CBFA2T2: variants seen among roughly 807,000 people sequenced by gnomAD.
CBFA2T2 encodes protein CBFA2T2.
Under a neutral mutation model 62.2 loss-of-function variants are expected in CBFA2T2, and 11 were observed. The observed-to-expected ratio is 0.18, with a 90% CI of 0.11 to 0.29. CBFA2T2 has a LOEUF of 0.29. Among genes scored for constraint, CBFA2T2 ranks in the 10% least tolerant of loss-of-function variants. The pLI, the probability that CBFA2T2 is intolerant of heterozygous loss-of-function variation, is 1.00. For missense variants in CBFA2T2, 592 were observed against 774.1 expected (o/e 0.76, Z 2.79); for synonymous variants, 295 against 287.5 (o/e 1.03, Z -0.27).
chr20:33,644,567 C>T lies in CBFA2T2; in HGVS notation c.1709C>T (p.Ala570Val), dbSNP rs2016984607. Residue 570 changes from alanine (A) to valine (V), a missense_variant, in exon 11 of 11, where the codon GCC becomes GTC. By Grantham distance (64) the Ala-to-Val change is moderately conservative (BLOSUM62 0). Coordinates refer to ENST00000342704, the MANE Select transcript of CBFA2T2 (RefSeq NM_001032999.3). ...RSADCSVPSP[A>V]LDKTSATTSR... The stretch of plus-strand genomic sequence containing the variant: ...GCCGACTGCAGCGTGCCCAGCCCAG[C>T]CCTCGACAAGACCTCGGCAACCACA... 1 of 1,613,702 alleles carries T rather than the reference C, an allele frequency of 6.2e-7. No homozygotes were observed. Among genetic ancestry groups the T allele is most frequent in the Admixed American group, 1.7e-5 (1 of 60,020 alleles).
intron 1 of CBFA2T2, among the ~76,000 whole-genome samples, chr20:33,527,237 C>T (rs914454425): frequency 1.3e-5 from 2 of 152,086 alleles, no homozygotes; most frequent in Non-Finnish European, 2.9e-5. Flanking sequence ...AGTCTCACTA[C>T]ATCACCCAGG....
At chr20:33,627,904 A>G (rs1214276228) in intron 6 of CBFA2T2, among the ~76,000 whole-genome samples, 1 of 152,194 alleles carries the variant, frequency 6.6e-6, no homozygotes, top group East Asian at 1.9e-4. Flanking sequence ...TATCAAAACT[A>G]TCCCCCCACC....
intron 4 of CBFA2T2, among the ~76,000 whole-genome samples, chr20:33,621,755 T>TA (rs1196640157): frequency 6.6e-6 from 1 of 152,236 alleles, no homozygotes; most frequent in African/African-American, 2.4e-5. Context: ...ACCAGTTTTT[T>TA]AAAACCTTCT....
chr20:33,583,907 T>C (rs1568833732), intron 1 of CBFA2T2, among the ~76,000 whole-genome samples: 1 of 152,156 alleles, frequency 6.6e-6, no homozygotes, highest in East Asian at 1.9e-4. Context: ...TTGGTTTAAG[T>C]GATTTTATTT....
intron 1 of CBFA2T2, among the ~76,000 whole-genome samples, chr20:33,575,543 C>T (rs1398583242): frequency 6.6e-6 from 1 of 152,108 alleles, no homozygotes; most frequent in African/African-American, 2.4e-5. Context: ...ATATAGAAAC[C>T]TTTCTGTACT....
At chr20:33,559,463 C>T (rs1481312125) in intron 1 of CBFA2T2, among the ~76,000 whole-genome samples, 1 of 151,764 alleles carries the variant, frequency 6.6e-6, no homozygotes, top group Non-Finnish European at 1.5e-5. Flanking sequence ...TGTGATCCAC[C>T]ACTCCTGGCC....
rs1485258594 is a variant in CBFA2T2, at chr20:33,545,011, AGAAC to A, written c.34+54711_34+54714del. Among the ~76,000 whole-genome samples the A allele has an allele frequency of 3.0e-3, 374 of 124,412 alleles. 3 individuals are homozygous for A. Among genetic ancestry groups the A allele is most frequent in the African/African-American group, 0.011 (351 of 31,320 alleles). The allele number at this position is 124,412 out of a possible 152,430, so 81.6% of individuals were successfully genotyped here. A position where few individuals can be genotyped will look rare whatever the true frequency, so the allele number is the denominator to read the frequency against. On this transcript the variant is annotated intron_variant, in intron 1 of 10. Transcript: ENST00000342704. ...AGAATAGAATAGAATAGAATAGAAT[AGAAC>A]AGAACAGAATGCAAGGTAGACAGGC...
At chr20:33,599,228 A>G (rs766391662) in intron 1 of CBFA2T2, among the ~76,000 whole-genome samples, 4 of 151,456 alleles carry the variant, frequency 2.6e-5, no homozygotes, top group South Asian at 4.2e-4. Flanking sequence ...CGCCACTGCA[A>G]TACAGCCTGG....
chr20:33,577,529 G>C (rs1363473100), intron 1 of CBFA2T2, among the ~76,000 whole-genome samples: 2 of 152,172 alleles, frequency 1.3e-5, no homozygotes, highest in African/African-American at 4.8e-5. Flanking sequence ...GTGTGCTTCA[G>C]CTGTAGACTG....
At chr20:33,555,341 A>G (rs2012866478) in intron 1 of CBFA2T2, among the ~76,000 whole-genome samples, 1 of 152,214 alleles carries the variant, frequency 6.6e-6, no homozygotes, top group African/African-American at 2.4e-5. Context: ...AGAGACCGTC[A>G]TGAATGGGAT....
chr20:33,541,448 C>T (rs1276103257), intron 1 of CBFA2T2, among the ~76,000 whole-genome samples: 1 of 152,184 alleles, frequency 6.6e-6, no homozygotes, highest in African/African-American at 2.4e-5. Context: ...ATTGACGAGT[C>T]GTATAACTGA....
At chr20:33,587,306 C>T (rs1390040225) in intron 1 of CBFA2T2, among the ~76,000 whole-genome samples, 2 of 149,990 alleles carry the variant, frequency 1.3e-5, no homozygotes, top group Non-Finnish European at 3.0e-5. Flanking sequence ...CCTGCTCTGT[C>T]GCCAGGCTGG....
intron 1 of CBFA2T2, among the ~76,000 whole-genome samples, chr20:33,520,943 TACAC>T (rs149126825): frequency 5.6e-5 from 8 of 142,814 alleles, no homozygotes; most frequent in Non-Finnish European, 1.1e-4. Flanking sequence ...TGCCATCACA[TACAC>T]ACACACACAC....
chr20:33,636,511 T>G, intron 8 of CBFA2T2, 129 bp from the exon 9 acceptor site: 1 of 645,168 alleles, frequency 1.5e-6, no homozygotes, highest in Non-Finnish European at 2.7e-6. Context: ...TTAGCCCTTA[T>G]ATGAGAATTT....
intron 1 of CBFA2T2, among the ~76,000 whole-genome samples, chr20:33,546,274 C>A (rs1302063421): frequency 1.3e-5 from 2 of 152,002 alleles, no homozygotes; most frequent in Admixed American, 6.6e-5. Context: ...GCTTATAAAA[C>A]CAGGCCTTAG....
chr20:33,600,336 C>T (rs149142833), intron 1 of CBFA2T2: 25,841 of 224,286 alleles, frequency 0.12, 1,959 homozygotes, highest in Non-Finnish European at 0.15. Flanking sequence ...GGATTACAGA[C>T]GCCTGCCACC....
chr20:33,534,161 T>C (rs1047200489), intron 1 of CBFA2T2, among the ~76,000 whole-genome samples: 15 of 152,234 alleles, frequency 9.9e-5, no homozygotes, highest in African/African-American at 3.1e-4. Context: ...TACATAGGAA[T>C]GGTGTGGTTG....
intron 9 of CBFA2T2, chr20:33,639,542 C>T (rs2016749804): frequency 6.6e-6 from 1 of 151,900 alleles, no homozygotes; most frequent in East Asian, 1.9e-4. Flanking sequence ...CCACTGCACT[C>T]CAGCCTGGGC....
intron 1 of CBFA2T2, among the ~76,000 whole-genome samples, chr20:33,565,847 A>G (rs901775307): frequency 2.6e-5 from 4 of 152,200 alleles, no homozygotes; most frequent in African/African-American, 9.6e-5. Context: ...TAATGCCAAT[A>G]AACTGGAGAT....
Sources: allele counts gnomAD v4.1 joint callset (sites outside exome capture counted in the v4.1 genomes callset), GRCh38; gene constraint gnomAD v4.1.1; transcripts MANE v1.5; gene names NCBI Gene and HGNC (gene_info 2026-07-23, HGNC 2026-07-21).